SLC44A5: variants seen among roughly 807,000 people sequenced by gnomAD.
SLC44A5 encodes solute carrier family 44 member 5, also known as choline transporter-like protein 5.
SLC44A5 carries 57 observed loss-of-function variants against 101.8 expected under a neutral mutation model. That is an observed-to-expected ratio of 0.56 (90% CI 0.45 to 0.70). The LOEUF (loss-of-function observed/expected upper bound fraction) is 0.70, where lower values mean the gene tolerates loss of function less well. Among genes scored for constraint, SLC44A5 ranks in the 30% least tolerant of loss-of-function variants. The pLI is 0.00. For synonymous variants in SLC44A5, 281 were observed against 290.9 expected (o/e 0.97, Z 0.35); for missense variants, 737 against 853.1 (o/e 0.86, Z 1.70).
At chr1:75,632,341 A>G in the SLC44A5 span, among the ~76,000 whole-genome samples, 3 of 152,196 alleles carry the variant, frequency 2.0e-5, no homozygotes, top group Non-Finnish European at 1.5e-5. Flanking sequence ...CTCAGATAAA[A>G]AAATCATCTC....
chr1:75,315,059 C>G (rs1655589858), intron 4 of SLC44A5, among the ~76,000 whole-genome samples: 1 of 152,254 alleles, frequency 6.6e-6, no homozygotes, highest in East Asian at 1.9e-4. Context: ...TCCCCACTTA[C>G]CACCACAAAG....
At chr1:75,280,664 G>T (rs1322809317) in intron 5 of SLC44A5, among the ~76,000 whole-genome samples, 1 of 150,874 alleles carries the variant, frequency 6.6e-6, no homozygotes, top group Non-Finnish European at 1.5e-5. Context: ...CGTGGGAGGT[G>T]ATTAGATCAT....
At chr1:75,275,193 T>A in intron 5 of SLC44A5, 151 bp from the exon 6 acceptor site, 1 of 596,108 alleles carries the variant, frequency 1.7e-6, no homozygotes, top group Non-Finnish European at 3.0e-6. Flanking sequence ...AATTTCTTAA[T>A]GAAAAGTAAA....
chr1:75,313,236 A>G (rs1487841868), intron 4 of SLC44A5, among the ~76,000 whole-genome samples: 1 of 152,198 alleles, frequency 6.6e-6, no homozygotes, highest in Non-Finnish European at 1.5e-5. Context: ...CTCCAAAAAG[A>G]TGCCTCATGG....
At chr1:75,205,964 A>G (rs1322356469) in intron 23 of SLC44A5, 1 of 152,184 alleles carries the variant, frequency 6.6e-6, no homozygotes, top group African/African-American at 2.4e-5. Context: ...CAATATAAAC[A>G]TGATTTCACT....
At chr1:75,569,692 T>A (rs377190322) in intron 1 of SLC44A5, among the ~76,000 whole-genome samples, 1 of 152,286 alleles carries the variant, frequency 6.6e-6, no homozygotes, top group African/African-American at 2.4e-5. Context: ...CAAAATAATA[T>A]CAGTTAATAG....
At chr1:75,534,448 C>T (rs575271408) in intron 2 of SLC44A5, among the ~76,000 whole-genome samples, 3 of 152,284 alleles carry the variant, frequency 2.0e-5, no homozygotes, top group Middle Eastern at 3.4e-3. Flanking sequence ...GCAATCAAAA[C>T]ATAAGAAGCA....
At chr1:75,546,810 G>A (rs564833813) in intron 1 of SLC44A5, among the ~76,000 whole-genome samples, 4 of 152,020 alleles carry the variant, frequency 2.6e-5, no homozygotes, top group Non-Finnish European at 4.4e-5. Flanking sequence ...AAGGTTCATG[G>A]AAAGTGTGTA....
At chr1:75,224,769 T>TA (rs35175526) in intron 13 of SLC44A5, among the ~76,000 whole-genome samples, 6,615 of 141,668 alleles carry the variant, frequency 0.047, 171 homozygotes, top group Non-Finnish European at 0.063. Flanking sequence ...ATATTGGAAG[T>TA]AAAAAAAAAA....
chr1:75,295,272 G>T (rs1306363740), intron 5 of SLC44A5, among the ~76,000 whole-genome samples: 1 of 152,184 alleles, frequency 6.6e-6, no homozygotes, highest in Non-Finnish European at 1.5e-5. Flanking sequence ...TGTATGGACA[G>T]AATGAAAAAG....
At chr1:75,495,115 T>C (rs1244926919) in intron 2 of SLC44A5, among the ~76,000 whole-genome samples, 1 of 152,112 alleles carries the variant, frequency 6.6e-6, no homozygotes, top group East Asian at 1.9e-4. Flanking sequence ...AACAAGATAC[T>C]TGACCTAATG....
intron 1 of SLC44A5, among the ~76,000 whole-genome samples, chr1:75,543,521 T>C (rs1671466586): frequency 6.6e-6 from 1 of 151,372 alleles, no homozygotes; most frequent in South Asian, 2.1e-4. Flanking sequence ...TGTCAGAGAC[T>C]GTTCTCGATA....
the SLC44A5 span, among the ~76,000 whole-genome samples, chr1:75,673,863 G>C: frequency 6.6e-6 from 1 of 152,058 alleles, no homozygotes; most frequent in Admixed American, 6.6e-5. Flanking sequence ...CTGAGCTTGG[G>C]GTCTCATAAT....
intron 3 of SLC44A5, among the ~76,000 whole-genome samples, chr1:75,372,319 A>G (rs1660283101): frequency 6.6e-6 from 1 of 152,074 alleles, no homozygotes; most frequent in African/African-American, 2.4e-5. Context: ...TTAAATTTAC[A>G]CTTACTTTTC....
At chr1:75,498,942 C>T (rs148277472) in intron 2 of SLC44A5, among the ~76,000 whole-genome samples, 4 of 152,298 alleles carry the variant, frequency 2.6e-5, no homozygotes, top group African/African-American at 9.6e-5. Context: ...TGGCCAACAA[C>T]AAACCACATA....
intron 1 of SLC44A5, among the ~76,000 whole-genome samples, chr1:75,556,773 G>A (rs1330445258): frequency 2.0e-5 from 3 of 151,988 alleles, no homozygotes; most frequent in African/African-American, 7.2e-5. Flanking sequence ...CGGGTAGGCT[G>A]TTTCTTTTGC....
rs1348516924 is a variant in SLC44A5, at chr1:75,354,012, G to A, written c.53-14382C>T. ...CTTGAAGGCCTGCAAATTAACACAT[G>A]ACCTTTCACTCACTACTGATTTTTT... is the stretch of plus-strand genomic sequence containing the variant. On this transcript the variant is annotated intron_variant, in intron 3 of 23. Coordinates refer to ENST00000370859, the MANE Select transcript of SLC44A5 (RefSeq NM_001130058.2). The A allele has an allele frequency of 8.5e-6, 3 of 354,412 alleles. No homozygotes were observed. In the East Asian group the frequency reaches 2.7e-4, roughly 32 times the overall value. 22.0% of individuals were successfully genotyped at this position (354,412 alleles called of 1,614,324 possible). A position where few individuals can be genotyped will look rare whatever the true frequency, so the allele number is the denominator to read the frequency against.
intron 3 of SLC44A5, among the ~76,000 whole-genome samples, chr1:75,343,032 C>G (rs964268312): frequency 1.3e-5 from 2 of 151,986 alleles, no homozygotes; most frequent in Non-Finnish European, 1.5e-5. Flanking sequence ...GGGGCCCTCA[C>G]GTACTCTAAT....
chr1:75,451,070 T>A (rs1665881730), intron 2 of SLC44A5, among the ~76,000 whole-genome samples: 1 of 152,154 alleles, frequency 6.6e-6, no homozygotes, highest in Non-Finnish European at 1.5e-5. Context: ...CCCAGCTGCA[T>A]GCTTAGGCAC....
Sources: allele counts gnomAD v4.1 joint callset (sites outside exome capture counted in the v4.1 genomes callset), GRCh38; gene constraint gnomAD v4.1.1; transcripts MANE v1.5; gene names NCBI Gene and HGNC (gene_info 2026-07-23, HGNC 2026-07-21).